The following CRIM1 variants were observed in gnomAD, a reference collection of about 807,000 sequenced individuals.
CRIM1 encodes cysteine-rich motor neuron 1 protein.
CRIM1 carries 32 observed loss-of-function variants against 116.4 expected under a neutral mutation model. The ratio of observed to expected loss-of-function variants is 0.27; its 90% CI spans 0.21 to 0.37. The LOEUF is 0.37. CRIM1 is among the 10% of genes least tolerant of loss of function. The pLI is 1.00. For missense variants in CRIM1, 1,331 were observed against 1,354.8 expected (o/e 0.98, Z 0.28); for synonymous variants, 590 against 509.2 (o/e 1.16, Z -2.13).
At chr2:36,438,061 G>C (rs1675465056) in intron 2 of CRIM1, among the ~76,000 whole-genome samples, 1 of 151,724 alleles carries the variant, frequency 6.6e-6, no homozygotes. Context: ...GAACCCAGGA[G>C]GTGGAGGTTG....
chr2:36,506,668 G>C (rs577725371), intron 8 of CRIM1, among the ~76,000 whole-genome samples: 3 of 151,864 alleles, frequency 2.0e-5, no homozygotes, highest in Non-Finnish European at 2.9e-5. Context: ...CTCTTCAATC[G>C]TAACTTCTCC....
chr2:36,543,484 TTGAG>T (rs1405642617), intron 14 of CRIM1, among the ~76,000 whole-genome samples: 2 of 137,560 alleles, frequency 1.5e-5, no homozygotes, highest in South Asian at 2.6e-4. Flanking sequence ...ATCCTACGTG[TTGAG>T]TAATTGCTTT....
At chr2:36,395,054 G>C (rs1382353905) in intron 1 of CRIM1, among the ~76,000 whole-genome samples, 4 of 92,262 alleles carry the variant, frequency 4.3e-5, no homozygotes, top group Non-Finnish European at 8.3e-5. Flanking sequence ...TCACTTTGTT[G>C]CCCAGGCTGG....
chr2:36,363,574 T>A (rs1009131198), intron 1 of CRIM1, among the ~76,000 whole-genome samples: 4 of 146,884 alleles, frequency 2.7e-5, no homozygotes, highest in African/African-American at 9.9e-5. Flanking sequence ...TCTAAATGAT[T>A]TCTACAAAGT....
intron 2 of CRIM1, among the ~76,000 whole-genome samples, chr2:36,428,172 G>A (rs1358155031): frequency 2.0e-5 from 3 of 152,226 alleles, no homozygotes; most frequent in Non-Finnish European, 4.4e-5. Context: ...GATGATGACT[G>A]TGTGTTTTGA....
intron 6 of CRIM1, among the ~76,000 whole-genome samples, chr2:36,478,549 G>T (rs537887134): frequency 6.6e-6 from 1 of 152,148 alleles, no homozygotes; most frequent in African/African-American, 2.4e-5. Context: ...TCCATTGGCC[G>T]CCTCCCTCTC....
At chr2:36,466,501 A>ACTG (rs1311198225) in intron 5 of CRIM1, among the ~76,000 whole-genome samples, 2 of 152,234 alleles carry the variant, frequency 1.3e-5, no homozygotes, top group Non-Finnish European at 2.9e-5. Flanking sequence ...CACTGGAGAC[A>ACTG]GAAATAGTCA....
At chr2:36,495,481 T>TA (rs1285992810) in intron 7 of CRIM1, among the ~76,000 whole-genome samples, 4,541 of 146,788 alleles carry the variant, frequency 0.031, 227 homozygotes, top group African/African-American at 0.1. Context: ...ATTTATTTTT[T>TA]TTTTTTTTTT....
intron 1 of CRIM1, among the ~76,000 whole-genome samples, chr2:36,367,233 T>C (rs1345579057): frequency 6.6e-6 from 1 of 152,234 alleles, no homozygotes; most frequent in Non-Finnish European, 1.5e-5. Context: ...AGAAAACTTA[T>C]TACCACTACC....
At position 36,384,030 on chromosome 2, in the gene CRIM1, C is replaced by T. The variant is rs545346496; in HGVS notation, c.332-12584C>T. Among the ~76,000 whole-genome samples, 6 of 152,316 alleles carry T rather than the reference C, an allele frequency of 3.9e-5. No homozygotes were observed. In the South Asian group the frequency reaches 1.2e-3, roughly 32 times the overall value. Reference sequence around the variant, plus strand: ...CAGCCAAATTAGTAAGGAAAACATACAGCATACAAGAGGAGAGAAGTGCTA... The same window carrying T: ...CAGCCAAATTAGTAAGGAAAACATATAGCATACAAGAGGAGAGAAGTGCTA... On this transcript the variant is annotated intron_variant, in intron 1 of 16. Coordinates refer to ENST00000280527, the MANE Select transcript of CRIM1 (RefSeq NM_016441.3).
At chr2:36,502,874 G>C (rs1431948102) in intron 8 of CRIM1, among the ~76,000 whole-genome samples, 3 of 152,130 alleles carry the variant, frequency 2.0e-5, no homozygotes, top group Admixed American at 6.5e-5. Context: ...TATCATTCTT[G>C]CCTGAGATCT....
At chr2:36,531,237 G>C (rs1056604550) in intron 13 of CRIM1, among the ~76,000 whole-genome samples, 6 of 152,154 alleles carry the variant, frequency 3.9e-5, no homozygotes, top group Non-Finnish European at 8.8e-5. Context: ...CTGACTTCAT[G>C]ACCACCAGAT....
intron 14 of CRIM1, among the ~76,000 whole-genome samples, chr2:36,541,156 G>C (rs1666915950): frequency 6.6e-6 from 1 of 152,042 alleles, no homozygotes; most frequent in Non-Finnish European, 1.5e-5. Context: ...TGTGATCTTA[G>C]TCAAGACTCA....
At chr2:36,481,973 C>A (rs753416526) in intron 7 of CRIM1, among the ~76,000 whole-genome samples, 1 of 152,148 alleles carries the variant, frequency 6.6e-6, no homozygotes, top group Non-Finnish European at 1.5e-5. Flanking sequence ...TGAATGTGAT[C>A]GTCCACCTAC....
chr2:36,516,306 G>A (rs996725430), intron 11 of CRIM1, among the ~76,000 whole-genome samples: 1 of 152,112 alleles, frequency 6.6e-6, no homozygotes, highest in Non-Finnish European at 1.5e-5. Flanking sequence ...CCAAGCATGA[G>A]CTAGCCGTGA....
chr2:36,533,767 T>C (rs958322511), intron 13 of CRIM1, among the ~76,000 whole-genome samples: 1 of 152,228 alleles, frequency 6.6e-6, no homozygotes, highest in African/African-American at 2.4e-5. Flanking sequence ...TGATCTTTGA[T>C]ATTTCTTCTG....
chr2:36,435,690 T>C (rs1675260631), intron 2 of CRIM1, among the ~76,000 whole-genome samples: 1 of 152,042 alleles, frequency 6.6e-6, no homozygotes, highest in African/African-American at 2.4e-5. Flanking sequence ...TTCCTTGACA[T>C]ATGGACCTGA....
intron 2 of CRIM1, among the ~76,000 whole-genome samples, chr2:36,423,712 C>T (rs1038362026): frequency 6.6e-6 from 1 of 152,086 alleles, no homozygotes; most frequent in Non-Finnish European, 1.5e-5. Context: ...TGACTGGGTT[C>T]CATGATTTAT....
intron 12 of CRIM1, among the ~76,000 whole-genome samples, chr2:36,519,732 G>A (rs1198516829): frequency 6.6e-6 from 1 of 152,126 alleles, no homozygotes; most frequent in Non-Finnish European, 1.5e-5. Flanking sequence ...CCTCTTCTCT[G>A]GCCTGGTTTA....
Sources: gnomAD v4.1 joint callset for allele counts (sites outside exome capture counted in the v4.1 genomes callset) on GRCh38, gnomAD v4.1.1 for gene constraint, MANE v1.5 for transcripts, NCBI Gene and HGNC (gene_info 2026-07-23, HGNC 2026-07-21) for gene names.